Variants in MBD5 observed in about 807,000 individuals in gnomAD.
MBD5 encodes methyl-CpG binding domain protein 5, also known as methyl-CpG-binding domain protein 5.
MBD5 carries 13 observed loss-of-function variants against 117.3 expected under a neutral mutation model. That is an observed-to-expected ratio of 0.11 (90% confidence interval 0.07 to 0.18). MBD5 has a LOEUF of 0.18. MBD5 is among the 10% of genes least tolerant of loss of function. The pLI is 1.00. For synonymous variants in MBD5, 727 were observed against 766.4 expected, an observed-to-expected ratio of 0.95 and a Z score of 0.85; for missense variants, 1,879 against 2,093.8, an observed-to-expected ratio of 0.90 and a Z score of 2.00.
chr2:148,460,761 A>C (rs922231010), intron 5 of MBD5, among the ~76,000 whole-genome samples: 2 of 152,236 alleles, frequency 1.3e-5, no homozygotes, highest in African/African-American at 4.8e-5. Context: ...ATGTTTTTAA[A>C]GCATCTGGAG....
At chr2:148,163,282 A>G (rs1040776105) in intron 1 of MBD5, among the ~76,000 whole-genome samples, 5 of 152,216 alleles carry the variant, frequency 3.3e-5, no homozygotes, top group African/African-American at 9.6e-5. Context: ...CTTTAGGCCC[A>G]TTCCTGGGTC....
chr2:148,138,869 T>A (rs6726140), intron 1 of MBD5, among the ~76,000 whole-genome samples: 2,009 of 151,954 alleles, frequency 0.013, 30 homozygotes, highest in African/African-American at 0.046. Context: ...GTGTTTACCT[T>A]GGAAGAATGA....
chr2:148,232,319 A>G (rs1162897489), intron 2 of MBD5, among the ~76,000 whole-genome samples: 1 of 152,170 alleles, frequency 6.6e-6, no homozygotes, highest in Non-Finnish European at 1.5e-5. Context: ...TCTTTTTAAA[A>G]ATGTCATTCT....
chr2:148,466,333 A>C (rs1707258445), intron 7 of MBD5, among the ~76,000 whole-genome samples: 1 of 152,078 alleles, frequency 6.6e-6, no homozygotes, highest in South Asian at 2.1e-4. Flanking sequence ...ACTTTTGTTT[A>C]TTTTGTATTT....
intron 4 of MBD5, among the ~76,000 whole-genome samples, chr2:148,357,631 T>A (rs1388734871): frequency 6.6e-6 from 1 of 151,894 alleles, no homozygotes; most frequent in Non-Finnish European, 1.5e-5. Context: ...CTAACCCACC[T>A]TTTTTTTCTT....
chr2:148,065,539 ATCAT>A (rs1277727836), intron 1 of MBD5, among the ~76,000 whole-genome samples: 1 of 152,208 alleles, frequency 6.6e-6, no homozygotes, highest in Non-Finnish European at 1.5e-5. Context: ...ATTTGAAATC[ATCAT>A]TCAACAAAAT....
chr2:148,165,834 T>C (rs1353892915), intron 1 of MBD5, among the ~76,000 whole-genome samples: 1 of 152,118 alleles, frequency 6.6e-6, no homozygotes, highest in Non-Finnish European at 1.5e-5. Flanking sequence ...TTTGAGACTA[T>C]GTGTGAGAGG....
chr2:148,180,497 C>T lies in MBD5; in HGVS notation c.-831+1704C>T, dbSNP rs530658661. On this transcript the variant is annotated intron_variant, in intron 2 of 13. Transcript: ENST00000642680. ...GACTGCAGGTGTGCATTAACCATGC[C>T]GGGCACTTTCTGGTTTTTGTTGTTG... Among the ~76,000 whole-genome samples, 15 of 151,566 alleles carry T rather than the reference C, an allele frequency of 9.9e-5. 2 individuals are homozygous for T. In the South Asian group the frequency reaches 2.7e-3, roughly 27 times the overall value.
intron 2 of MBD5, among the ~76,000 whole-genome samples, chr2:148,218,034 AT>A (rs1188666358): frequency 6.6e-6 from 1 of 152,210 alleles, no homozygotes; most frequent in African/African-American, 2.4e-5. Context: ...AAAATTAAGA[AT>A]TTTAATATGT....
intron 3 of MBD5, among the ~76,000 whole-genome samples, chr2:148,313,984 A>G (rs923802350): frequency 1.3e-5 from 2 of 151,624 alleles, no homozygotes; most frequent in African/African-American, 4.9e-5. Flanking sequence ...TGTCTGACCA[A>G]TCTCAATGTG....
intron 4 of MBD5, among the ~76,000 whole-genome samples, chr2:148,432,828 T>C (rs1322603289): frequency 1.3e-5 from 2 of 152,164 alleles, no homozygotes; most frequent in African/African-American, 4.8e-5. Flanking sequence ...TCTTTTTCCT[T>C]AGGAGTGCTT....
chr2:148,166,833 C>T (rs1698135290), intron 1 of MBD5, among the ~76,000 whole-genome samples: 3 of 151,920 alleles, frequency 2.0e-5, no homozygotes, highest in South Asian at 2.1e-4. Context: ...GTATTTCTTT[C>T]TTTTATAACT....
intron 1 of MBD5, among the ~76,000 whole-genome samples, chr2:148,106,646 G>C (rs1357551636): frequency 2.7e-5 from 4 of 150,026 alleles, no homozygotes; most frequent in Non-Finnish European, 5.9e-5. Context: ...CCTTCTTTTT[G>C]TATTACTCAG....
chr2:148,140,958 G>A (rs1697298365), intron 1 of MBD5, among the ~76,000 whole-genome samples: 1 of 151,696 alleles, frequency 6.6e-6, no homozygotes, highest in Non-Finnish European at 1.5e-5. Context: ...CAGAGATTAG[G>A]TTTCACCATC....
intron 4 of MBD5, among the ~76,000 whole-genome samples, chr2:148,387,340 G>A (rs780982852): frequency 9.9e-5 from 15 of 152,002 alleles, no homozygotes; most frequent in Non-Finnish European, 1.9e-4. Context: ...TAATTCAGCT[G>A]AATCATTCAT....
At chr2:148,087,023 G>A (rs1469016079) in intron 1 of MBD5, among the ~76,000 whole-genome samples, 1 of 152,138 alleles carries the variant, frequency 6.6e-6, no homozygotes, top group Non-Finnish European at 1.5e-5. Context: ...GAGGCTAGAG[G>A]TAGAGGGAAG....
chr2:148,191,801 A>G (rs1698837428), intron 2 of MBD5, among the ~76,000 whole-genome samples: 2 of 119,280 alleles, frequency 1.7e-5, no homozygotes, highest in South Asian at 7.1e-4. Context: ...ACCCTTCAAA[A>G]AATCAATGAA....
Position 148,208,251 on chromosome 2 carries a change from T to G in MBD5, c.-830-24994T>G, listed in dbSNP as rs77765456. On this transcript the variant is annotated intron_variant, in intron 2 of 13. Transcript: ENST00000642680. ...TACCTACTTTTATTTTATTTTACTT[T>G]ATTTCATTTTATTTTTTGAAAATAG... Among the ~76,000 whole-genome samples the G allele has an allele frequency of 7.9e-5, 12 of 152,292 alleles. No individual in the cohort carries two copies. In the East Asian group the frequency reaches 2.1e-3, roughly 27 times the overall value.
chr2:148,372,820 A>G (rs1204011279), intron 4 of MBD5, among the ~76,000 whole-genome samples: 3 of 152,108 alleles, frequency 2.0e-5, no homozygotes, highest in Non-Finnish European at 4.4e-5. Flanking sequence ...ATATCATGAA[A>G]AAAAGACTTA....
Sources: allele counts gnomAD v4.1 joint callset (sites outside exome capture counted in the v4.1 genomes callset), GRCh38; gene constraint gnomAD v4.1.1; transcripts MANE v1.5; gene names NCBI Gene and HGNC (gene_info 2026-07-23, HGNC 2026-07-21).